The following TRAPPC9 variants were observed in gnomAD, a reference collection of about 807,000 sequenced individuals.
The protein encoded by TRAPPC9 is IKK2 binding protein.
In TRAPPC9, 83 loss-of-function variants were observed where a neutral mutation model predicts 124.0. The ratio of observed to expected loss-of-function variants is 0.67; its 90% CI spans 0.56 to 0.80. The LOEUF (loss-of-function observed/expected upper bound fraction) is 0.80, where lower values mean the gene tolerates loss of function less well. Ranked by LOEUF, TRAPPC9 falls within the 30% of genes least tolerant of loss-of-function variation. The pLI is 0.00. For missense variants in TRAPPC9, 1,302 were observed against 1,508.3 expected (o/e 0.86, Z 2.27); for synonymous variants, 638 against 617.5 (o/e 1.03, Z -0.49).
chr8:140,302,253 G>A (rs568068382), intron 10 of TRAPPC9, among the ~76,000 whole-genome samples: 8 of 152,176 alleles, frequency 5.3e-5, no homozygotes, highest in Non-Finnish European at 1.0e-4. Context: ...GCAGGAGATG[G>A]TGCTAACCCC....
intron 21 of TRAPPC9, among the ~76,000 whole-genome samples, chr8:139,835,614 C>T (rs1826284086): frequency 6.6e-6 from 1 of 152,218 alleles, no homozygotes; most frequent in Non-Finnish European, 1.5e-5. Context: ...TGCTGTAAAG[C>T]GATCAAGTCC....
At position 139,776,225 on chromosome 8, in the gene TRAPPC9, C is replaced by G. The variant is rs1821361382; in HGVS notation, c.3056-44023G>C. Among the ~76,000 whole-genome samples the G allele has an allele frequency of 6.6e-6, 1 of 152,192 alleles. No homozygotes were observed. The highest frequency in any genetic ancestry group is 1.5e-5 in the Non-Finnish European group (1 of 68,030). On this transcript the variant is annotated intron_variant, in intron 21 of 22. Coordinates refer to ENST00000438773, the MANE Select transcript of TRAPPC9 (RefSeq NM_001160372.4). The surrounding 1 kb of genome is among the most constrained non-coding windows in gnomAD (Gnocchi z 4.1). The stretch of plus-strand genomic sequence containing the variant: ...CCTTCCATCCTGCAGGCCTCCTGCA[C>G]AGGGACGCCAGGCTGCAGCCTCCCA...
At chr8:140,442,429 G>T (rs376202000) in intron 2 of TRAPPC9, among the ~76,000 whole-genome samples, 17 of 151,270 alleles carry the variant, frequency 1.1e-4, no homozygotes, top group South Asian at 6.3e-4. Context: ...AAAACCCCGT[G>T]TCTACTGAAA....
At chr8:139,835,313 C>T (rs561549174) in intron 21 of TRAPPC9, among the ~76,000 whole-genome samples, 4 of 152,200 alleles carry the variant, frequency 2.6e-5, no homozygotes, top group South Asian at 2.1e-4. Flanking sequence ...GCACACATTG[C>T]CTTTGATTAA....
At position 140,359,571 on chromosome 8, in the gene TRAPPC9, A is replaced by C. The variant is rs1337574201; in HGVS notation, c.1495+479T>G. Among the ~76,000 whole-genome samples, 4 of 151,788 alleles carry C rather than the reference A, an allele frequency of 2.6e-5. No individual in the cohort carries two copies. In the East Asian group the frequency reaches 7.7e-4, roughly 29 times the overall value. On this transcript the variant is annotated intron_variant, in intron 9 of 22. Transcript: ENST00000438773. Reference sequence around the variant, plus strand: ...GAAGGGGGGATGGAGTTACCCAGTGACTCGAAGGGGCACGAGGGGCCCTGG... The same window carrying C: ...GAAGGGGGGATGGAGTTACCCAGTGCCTCGAAGGGGCACGAGGGGCCCTGG...
chr8:139,894,619 C>T (rs1830553061), intron 20 of TRAPPC9, among the ~76,000 whole-genome samples: 1 of 152,196 alleles, frequency 6.6e-6, no homozygotes, highest in Non-Finnish European at 1.5e-5. Flanking sequence ...GCAACTTCCT[C>T]TTCAGTAAAA....
intron 20 of TRAPPC9, among the ~76,000 whole-genome samples, chr8:139,909,816 C>T (rs1002058820): frequency 1.3e-5 from 2 of 152,242 alleles, no homozygotes; most frequent in African/African-American, 4.8e-5. Flanking sequence ...AGTCTGTGAA[C>T]CCCCTGAGCC....
chr8:140,419,182 A>G (rs1319719896), intron 5 of TRAPPC9, among the ~76,000 whole-genome samples: 1 of 152,118 alleles, frequency 6.6e-6, no homozygotes, highest in African/African-American at 2.4e-5. Context: ...TAATCCCAGC[A>G]CTTTGGGAGG....
chr8:139,802,861 C>T (rs923184841), intron 21 of TRAPPC9, among the ~76,000 whole-genome samples: 20 of 151,600 alleles, frequency 1.3e-4, no homozygotes, highest in African/African-American at 3.1e-4. Flanking sequence ...TCTGAAGGTG[C>T]GTGTGTGTGT....
chr8:139,988,312 C>T (rs940539212), intron 19 of TRAPPC9, among the ~76,000 whole-genome samples: 1 of 151,892 alleles, frequency 6.6e-6, no homozygotes, highest in Non-Finnish European at 1.5e-5. Flanking sequence ...GGGGTTTCAC[C>T]ATGTTGGCCA....
chr8:140,111,098 G>A (rs1481891107), intron 17 of TRAPPC9, among the ~76,000 whole-genome samples: 1 of 149,436 alleles, frequency 6.7e-6, no homozygotes, highest in Admixed American at 6.7e-5. Context: ...CACCACCCAG[G>A]TCCTTGGAAA....
chr8:139,873,640 A>AG (rs955357976), intron 21 of TRAPPC9, among the ~76,000 whole-genome samples: 1 of 152,134 alleles, frequency 6.6e-6, no homozygotes, highest in Non-Finnish European at 1.5e-5. Context: ...AGTAAATGGG[A>AG]GGGGGTGTCA....
chr8:140,153,283 A>AT (rs1291630292), intron 17 of TRAPPC9, among the ~76,000 whole-genome samples: 10 of 152,256 alleles, frequency 6.6e-5, no homozygotes, highest in African/African-American at 2.4e-4. Context: ...CAACAAATTG[A>AT]TTAAGATTTC....
chr8:140,447,374 A>G (rs2071304380), intron 2 of TRAPPC9, among the ~76,000 whole-genome samples: 1 of 152,214 alleles, frequency 6.6e-6, no homozygotes, highest in African/African-American at 2.4e-5. Flanking sequence ...AGTGAAGGCT[A>G]TGAGAAGGCA....
intron 17 of TRAPPC9, among the ~76,000 whole-genome samples, chr8:140,173,553 CAAA>C (rs57984220): frequency 1.7e-5 from 1 of 59,784 alleles, no homozygotes. Flanking sequence ...GACTCTGTCT[CAAA>C]AAAAAAAAAA....
intron 1 of TRAPPC9, among the ~76,000 whole-genome samples, chr8:140,457,438 C>A (rs2071720396): frequency 6.6e-6 from 1 of 152,324 alleles, no homozygotes; most frequent in South Asian, 2.1e-4. Flanking sequence ...AGAGCGCCAA[C>A]AGGAGCAAGG....
chr8:139,928,948 C>G (rs913155277), intron 19 of TRAPPC9, among the ~76,000 whole-genome samples: 19 of 152,146 alleles, frequency 1.2e-4, no homozygotes, highest in African/African-American at 4.6e-4. Flanking sequence ...AAGACAACGC[C>G]TTGCAAGCAT....
chr8:140,436,357 T>G (rs567151637), intron 3 of TRAPPC9, among the ~76,000 whole-genome samples: 1 of 151,936 alleles, frequency 6.6e-6, no homozygotes, highest in Non-Finnish European at 1.5e-5. Context: ...AAAATAAAAA[T>G]AAAAAATAAA....
intron 21 of TRAPPC9, among the ~76,000 whole-genome samples, chr8:139,840,767 G>A (rs1002104549): frequency 3.9e-5 from 6 of 152,212 alleles, no homozygotes; most frequent in Non-Finnish European, 7.3e-5. Context: ...GGCACATCCA[G>A]CCTGCCCCGC....
Sources: allele counts gnomAD v4.1 joint callset (sites outside exome capture counted in the v4.1 genomes callset), GRCh38; gene constraint gnomAD v4.1.1; non-coding constraint Gnocchi (gnomAD v3.1); transcripts MANE v1.5; gene names NCBI Gene and HGNC (gene_info 2026-07-23, HGNC 2026-07-21).